Variants in ZNF385D observed in about 807,000 individuals in gnomAD.
ZNF385D encodes zinc finger protein 385D, also known as zinc finger protein 659.
A neutral mutation model predicts 35.8 loss-of-function variants in ZNF385D; 15 were observed. That is an observed-to-expected ratio of 0.42 (90% CI 0.28 to 0.64). ZNF385D has a LOEUF of 0.64. Among genes scored for constraint, ZNF385D ranks in the 30% least tolerant of loss-of-function variants. The pLI, the probability that ZNF385D is intolerant of heterozygous loss-of-function variation, is 0.23. For missense variants in ZNF385D, 474 were observed against 494.6 expected (o/e 0.96, Z 0.39); for synonymous variants, 212 against 186.8 (o/e 1.13, Z -1.10).
chr3:21,951,323 T>A (rs1702054132), intron 3 of ZNF385D, among the ~76,000 whole-genome samples: 2 of 151,674 alleles, frequency 1.3e-5, no homozygotes, highest in Non-Finnish European at 1.5e-5. Context: ...GAATGGGAGT[T>A]CTCTCATGAT....
chr3:21,926,293 T>A (rs1394402390), intron 3 of ZNF385D, among the ~76,000 whole-genome samples: 1 of 152,034 alleles, frequency 6.6e-6, no homozygotes, highest in Non-Finnish European at 1.5e-5. Flanking sequence ...TAGTCCCTCA[T>A]CCCTGACAGG....
intron 4 of ZNF385D, among the ~76,000 whole-genome samples, chr3:21,476,556 GTA>G (rs933558771): frequency 6.6e-6 from 1 of 151,504 alleles, no homozygotes; most frequent in Non-Finnish European, 1.5e-5. Context: ...TCAGGGTGGG[GTA>G]TGTGTGTGTG....
chr3:21,879,308 G>A lies in ZNF385D; in HGVS notation c.326-214280C>T, dbSNP rs570229821. 7.2e-5 allele frequency among the ~76,000 whole-genome samples: 11 copies of A among 152,118 alleles called. No homozygotes were observed. In the South Asian group the frequency reaches 1.4e-3, roughly 20 times the overall value. ...ACTAGTGTTGTCTAAGTGACAGACT[G>A]TCTTCTCTAGAGAGGACACATGGGA... On this transcript the variant is annotated intron_variant, in intron 3 of 5. Coordinates refer to the ZNF385D transcript ENST00000494108.
intron 3 of ZNF385D, among the ~76,000 whole-genome samples, chr3:21,888,426 G>C (rs563170278): frequency 6.6e-6 from 1 of 152,218 alleles, no homozygotes; most frequent in South Asian, 2.1e-4. Context: ...GAAGCAGATG[G>C]AAAAGAGAAA....
chr3:21,886,936 T>C lies in ZNF385D; in HGVS notation c.326-221908A>G, dbSNP rs751968540. 3.9e-5 allele frequency among the ~76,000 whole-genome samples: 6 copies of C among 152,258 alleles called. No individual in the cohort carries two copies. The South Asian group carries it at 8.3e-4, about 21-fold the overall frequency. On this transcript the variant is annotated intron_variant, in intron 3 of 5. Transcript: ENST00000494108. ...CATTCATATGGGTCGGCCAAATGACTAGAACGTCTGCCACTCCATTCAACG... is the reference window on the plus strand; with the variant it reads ...CATTCATATGGGTCGGCCAAATGACCAGAACGTCTGCCACTCCATTCAACG...
intron 3 of ZNF385D, among the ~76,000 whole-genome samples, chr3:22,056,441 G>T: frequency 6.6e-6 from 1 of 152,090 alleles, no homozygotes; most frequent in Admixed American, 6.6e-5. Flanking sequence ...GATCATTTAG[G>T]TGGGAATGTC....
chr3:22,292,367 C>T (rs147459909), intron 2 of ZNF385D, among the ~76,000 whole-genome samples: 1 of 152,048 alleles, frequency 6.6e-6, no homozygotes, highest in Admixed American at 6.6e-5. Flanking sequence ...ATGTAATCTG[C>T]AATTAAGTGT....
chr3:22,179,286 G>A (rs1046884659), intron 2 of ZNF385D, among the ~76,000 whole-genome samples: 4 of 152,122 alleles, frequency 2.6e-5, no homozygotes, highest in Non-Finnish European at 5.9e-5. Flanking sequence ...AGTTCTCCTT[G>A]AAGAGGTCCT....
chr3:21,777,081 T>C (rs2071317731), intron 3 of ZNF385D, among the ~76,000 whole-genome samples: 2 of 151,992 alleles, frequency 1.3e-5, no homozygotes, highest in African/African-American at 4.8e-5. Flanking sequence ...CAATAATGTC[T>C]GTGGGATACA....
At chr3:22,001,420 T>C (rs767682948) in intron 3 of ZNF385D, among the ~76,000 whole-genome samples, 9 of 152,006 alleles carry the variant, frequency 5.9e-5, no homozygotes, top group Non-Finnish European at 1.3e-4. Context: ...AAGAGATCAA[T>C]TCATCAAGAA....
intron 3 of ZNF385D, among the ~76,000 whole-genome samples, chr3:21,762,892 C>T (rs570612809): frequency 2.0e-5 from 3 of 152,278 alleles, no homozygotes; most frequent in Non-Finnish European, 4.4e-5. Context: ...CAGAAAGATG[C>T]TTTTGGTTCT....
chr3:21,559,893 G>A (rs148869553), intron 3 of ZNF385D, among the ~76,000 whole-genome samples: 1 of 151,792 alleles, frequency 6.6e-6, no homozygotes, highest in African/African-American at 2.4e-5. Flanking sequence ...TTGTCTTCAC[G>A]CTGTATTTAA....
chr3:22,227,249 C>T (rs1307902567), intron 2 of ZNF385D, among the ~76,000 whole-genome samples: 41 of 152,080 alleles, frequency 2.7e-4, no homozygotes, highest in Non-Finnish European at 4.4e-5. Context: ...ACCGTTGTTA[C>T]ACTCTTTTTT....
chr3:21,520,570 CA>C (rs1707842201), intron 3 of ZNF385D, among the ~76,000 whole-genome samples: 1 of 152,140 alleles, frequency 6.6e-6, no homozygotes, highest in African/African-American at 2.4e-5. Context: ...GGCACAAACA[CA>C]AACTATTATT....
At chr3:21,765,587 G>A (rs2070791985) in intron 3 of ZNF385D, among the ~76,000 whole-genome samples, 1 of 152,092 alleles carries the variant, frequency 6.6e-6, no homozygotes, top group Non-Finnish European at 1.5e-5. Flanking sequence ...GGAGCCAGTA[G>A]GTAGTAGAGA....
At chr3:21,637,320 G>C (rs1322444309) in intron 2 of ZNF385D, among the ~76,000 whole-genome samples, 1 of 152,072 alleles carries the variant, frequency 6.6e-6, no homozygotes, top group East Asian at 1.9e-4. Flanking sequence ...CCTACAGGTG[G>C]TTTGCCAATT....
intron 3 of ZNF385D, among the ~76,000 whole-genome samples, chr3:21,845,511 T>A (rs997632012): frequency 6.7e-6 from 1 of 149,964 alleles, no homozygotes; most frequent in African/African-American, 2.5e-5. Flanking sequence ...AAATAAATTT[T>A]CTCTGTGTTA....
chr3:21,521,786 C>T (rs180818912), intron 3 of ZNF385D, among the ~76,000 whole-genome samples: 20 of 152,076 alleles, frequency 1.3e-4, no homozygotes, highest in Non-Finnish European at 1.9e-4. Context: ...TAAAAAAATA[C>T]CATAGGCAAA....
In ZNF385D at chr3:21,886,149, G is replaced by A. The variant is rs1276434514; in HGVS notation, c.326-221121C>T. Among the ~76,000 whole-genome samples, 7 of 151,974 alleles carry A rather than the reference G, an allele frequency of 4.6e-5. 1 individual carries two copies. The highest frequency in any genetic ancestry group is 4.6e-4 in the Admixed American group (7 of 15,234). ...TTTCTTACAGTATCAGTAAAAATTG[G>A]CAGCACACACTGATCCTGGCCTTAT... On this transcript the variant is annotated intron_variant, in intron 3 of 5. Coordinates refer to the ZNF385D transcript ENST00000494108.
Sources: allele counts gnomAD v4.1 joint callset (sites outside exome capture counted in the v4.1 genomes callset), GRCh38; gene constraint gnomAD v4.1.1; transcripts MANE v1.5; gene names NCBI Gene and HGNC (gene_info 2026-07-23, HGNC 2026-07-21).